The following CDH19 variants were observed in gnomAD, a reference collection of about 807,000 sequenced individuals.
CDH19 encodes cadherin-19.
In CDH19, 67 loss-of-function variants were observed where a neutral mutation model predicts 64.2. The observed-to-expected ratio is 1.04, with a 90% CI of 0.86 to 1.28. The LOEUF (loss-of-function observed/expected upper bound fraction) is 1.28. Ranked by LOEUF, CDH19 falls within the 50% of genes most tolerant of loss-of-function variation. The pLI is 0.00. For missense variants in CDH19, 1,030 were observed against 929.0 expected (o/e 1.11, Z -1.41); for synonymous variants, 346 against 319.3 (o/e 1.08, Z -0.89).
At chr18:66,537,035 C>T (rs1986700709) in intron 7 of CDH19, among the ~76,000 whole-genome samples, 1 of 151,904 alleles carries the variant, frequency 6.6e-6, no homozygotes, top group African/African-American at 2.4e-5. Context: ...AAAAACAGCA[C>T]ACAGCATTTC....
At position 66,568,729 on chromosome 18, in the gene CDH19, A is replaced by T. The variant is rs745588282; in HGVS notation, c.196-19T>A. 2 of 1,561,338 alleles carry T rather than the reference A, an allele frequency of 1.3e-6. No individual in the cohort carries two copies. Among genetic ancestry groups the T allele is most frequent in the South Asian group, 2.4e-5 (2 of 84,814 alleles). ...ATCTTAGCTGCAAATGGAAAGAGGG[A>T]TCATTTAGTTTCCAAACATCTGAAA... On this transcript the variant is annotated intron_variant, in intron 2 of 11. Transcript: ENST00000262150.
chr18:66,524,542 G>GTGTATATATATATATATATATATATA, intron 9 of CDH19, among the ~76,000 whole-genome samples: 1 of 94,574 alleles, frequency 1.1e-5, no homozygotes, highest in East Asian at 3.0e-4. Flanking sequence ...ATGTTTGTGT[G>GTGTATATATATATATATATATATATA]TATATATATA....
Position 66,591,028 on chromosome 18 carries a change from C to T in CDH19, c.-113+12926G>A, listed in dbSNP as rs9959487. On this transcript the variant is annotated intron_variant, in intron 1 of 11. Coordinates refer to ENST00000262150, the MANE Select transcript of CDH19 (RefSeq NM_021153.4). ...TTGTAACATTAAGTCAATGTTGACC[C>T]GTAAGTAGAATCTGCATAAAATGTA... 1.1e-4 allele frequency among the ~76,000 whole-genome samples: 17 copies of T among 151,650 alleles called. 2 individuals are homozygous for T. The South Asian group carries it at 3.1e-3, about 28-fold the overall frequency.
At chr18:66,538,765 G>A (rs1242497287) in intron 7 of CDH19, among the ~76,000 whole-genome samples, 1 of 152,030 alleles carries the variant, frequency 6.6e-6, no homozygotes, top group Non-Finnish European at 1.5e-5. Context: ...CTTCCTTCCT[G>A]TTTCTAGCTT....
intron 10 of CDH19, among the ~76,000 whole-genome samples, chr18:66,510,709 A>T (rs569744160): frequency 6.6e-6 from 1 of 151,158 alleles, no homozygotes; most frequent in African/African-American, 2.4e-5. Context: ...AAAGAGCTTG[A>T]AAGAGATATT....
chr18:66,598,971 CAAGAT>C (rs1193918199), intron 1 of CDH19, among the ~76,000 whole-genome samples: 9 of 151,946 alleles, frequency 5.9e-5, no homozygotes, highest in South Asian at 4.2e-4. Flanking sequence ...AATTCAATCT[CAAGAT>C]AAGAATTATT....
At chr18:66,544,973 GT>G in intron 5 of CDH19, 70 bp from the exon 6 acceptor site, 2 of 1,050,786 alleles carry the variant, frequency 1.9e-6, no homozygotes, top group Non-Finnish European at 2.6e-6. Flanking sequence ...ATAGTTTTTT[GT>G]TTGTTTGTTT....
At chr18:66,538,807 C>T (rs1986777723) in intron 7 of CDH19, among the ~76,000 whole-genome samples, 1 of 152,064 alleles carries the variant, frequency 6.6e-6, no homozygotes, top group Non-Finnish European at 1.5e-5. Context: ...TGCTAGTCTT[C>T]CACTTGTAGA....
intron 3 of CDH19, among the ~76,000 whole-genome samples, chr18:66,565,863 C>A (rs1411272445): frequency 2.0e-5 from 3 of 151,934 alleles, no homozygotes; most frequent in Non-Finnish European, 4.4e-5. Context: ...CTCATTAGTT[C>A]TTGCATGATT....
chr18:66,567,169 C>A (rs948198234), intron 3 of CDH19, among the ~76,000 whole-genome samples: 1 of 151,794 alleles, frequency 6.6e-6, no homozygotes, highest in Non-Finnish European at 1.5e-5. Context: ...GCAGGTAACT[C>A]CTTTATCTCC....
rs141103982 is a variant in CDH19 at position 66,532,776 on chromosome 18, C to T, written c.1336+2210G>A. 369 of 442,394 alleles carry T rather than the reference C, an allele frequency of 8.3e-4. 3 individuals are homozygous for T. Among genetic ancestry groups the T allele is most frequent in the African/African-American group, 6.7e-3 (332 of 49,548 alleles). The allele number at this position is 442,394 out of a possible 1,614,324, so 27.4% of individuals were successfully genotyped here. On this transcript the variant is annotated intron_variant, in intron 8 of 11. Transcript: ENST00000262150. Reference sequence around the variant, plus strand: ...GATCTTGTTCTAAGTTGTAGAACTACCTCTTGTCATAAAGACATGAAAAGT... The same window carrying T: ...GATCTTGTTCTAAGTTGTAGAACTATCTCTTGTCATAAAGACATGAAAAGT...
intron 9 of CDH19, among the ~76,000 whole-genome samples, chr18:66,514,682 A>C (rs1175196627): frequency 6.6e-6 from 1 of 151,624 alleles, no homozygotes; most frequent in Non-Finnish European, 1.5e-5. Context: ...AAAGATAATC[A>C]GGAGAATAAA....
At chr18:66,577,850 G>A (rs922120898) in intron 1 of CDH19, among the ~76,000 whole-genome samples, 3 of 151,820 alleles carry the variant, frequency 2.0e-5, no homozygotes, top group Middle Eastern at 3.2e-3. Flanking sequence ...GTCTCTAGAG[G>A]AGAGTCTATT....
Position 66,588,618 on chromosome 18 carries a change from ATCTATATC to A in CDH19, c.-113+15328_-113+15335del, listed in dbSNP as rs199929771. Among the ~76,000 whole-genome samples the A allele has an allele frequency of 2.5e-3, 337 of 133,616 alleles. 45 individuals are homozygous for A. The highest frequency in any genetic ancestry group is 7.8e-3 in the Middle Eastern group (2 of 258). The allele number at this position is 133,616 out of a possible 152,430, so 87.7% of individuals were successfully genotyped here. ...ATTTTTACTAATCATATATATCTAT[ATCTATATC>A]TATATATATATAGATACAGCTCAGA... On this transcript the variant is annotated intron_variant, in intron 1 of 11. Coordinates refer to ENST00000262150, the MANE Select transcript of CDH19 (RefSeq NM_021153.4).
At chr18:66,549,124 A>ACC (rs1987248572) in intron 5 of CDH19, among the ~76,000 whole-genome samples, 1 of 152,172 alleles carries the variant, frequency 6.6e-6, no homozygotes, top group Non-Finnish European at 1.5e-5. Context: ...TATATGAGTG[A>ACC]AAGTATTAAG....
rs188216864 is a variant in CDH19 at position 66,568,388 on chromosome 18, A to G, written c.490+28T>C. 1,325 of 1,544,398 alleles carry G rather than the reference A, an allele frequency of 8.6e-4. 7 individuals carry two copies. In the African/African-American group the frequency reaches 0.016, roughly 19 times the overall value. On this transcript the variant is annotated intron_variant, in intron 3 of 11. Coordinates refer to ENST00000262150, the MANE Select transcript of CDH19 (RefSeq NM_021153.4). ...TTTAAACCTGCTTCATTGTTAATAT[A>G]TCTTTGATGTAAATTAATATGCAAT... is the stretch of plus-strand genomic sequence containing the variant.
At chr18:66,518,292 G>T (rs901600701) in intron 9 of CDH19, among the ~76,000 whole-genome samples, 1 of 151,796 alleles carries the variant, frequency 6.6e-6, no homozygotes, top group African/African-American at 2.4e-5. Context: ...TGAGTGCAAC[G>T]GTGCGATCTC....
chr18:66,548,414 T>C (rs1267384547), intron 5 of CDH19, among the ~76,000 whole-genome samples: 1 of 151,390 alleles, frequency 6.6e-6, no homozygotes, highest in Non-Finnish European at 1.5e-5. Context: ...GATAAGATCA[T>C]AAAGGAATGA....
chr18:66,551,147 CTTG>C lies in CDH19; in HGVS notation c.719_721del (p.Thr240del), dbSNP rs1568193376. ...AACATCTGAAAGTTTAATTAATACA[CTTG>C]TTGTTCCAGACAACGCTCCTGGCTG... On this transcript the variant is annotated inframe_deletion, in exon 5 of 12. Coordinates refer to ENST00000262150, the MANE Select transcript of CDH19 (RefSeq NM_021153.4). The C allele has an allele frequency of 5.0e-6, 8 of 1,608,494 alleles. No individual in the cohort carries two copies. The highest frequency in any genetic ancestry group is 6.8e-6 in the Non-Finnish European group (8 of 1,175,338).
Sources: gnomAD v4.1 joint callset for allele counts (sites outside exome capture counted in the v4.1 genomes callset) on GRCh38, gnomAD v4.1.1 for gene constraint, MANE v1.5 for transcripts, NCBI Gene and HGNC (gene_info 2026-07-23, HGNC 2026-07-21) for gene names.